The following PRKAG2 variants were observed in gnomAD, a reference collection of about 807,000 sequenced individuals.
PRKAG2 encodes 5'-AMP-activated protein kinase subunit gamma-2.
In PRKAG2, 26 loss-of-function variants were observed where a neutral mutation model predicts 69.6. The ratio of observed to expected loss-of-function variants is 0.37; its 90% CI spans 0.27 to 0.52. The LOEUF (loss-of-function observed/expected upper bound fraction) is 0.52. Ranked by LOEUF, PRKAG2 falls within the 20% of genes least tolerant of loss-of-function variation. The pLI is 0.90. For missense variants in PRKAG2, 557 were observed against 740.0 expected (o/e 0.75, Z 2.87); for synonymous variants, 293 against 285.0 (o/e 1.03, Z -0.28).
chr7:151,757,761 A>T (rs181619769), intron 3 of PRKAG2, among the ~76,000 whole-genome samples: 21 of 152,330 alleles, frequency 1.4e-4, no homozygotes, highest in Admixed American at 5.9e-4. Context: ...AACTGCAACC[A>T]CTGCCCCCGC....
Position 151,568,758 on chromosome 7 carries a change from A to G in PRKAG2, c.1191T>C (p.Tyr397=), listed in dbSNP as rs749218393. The change falls in exon 11 of 16, where the codon TAT becomes TAC. Residue 397 remains tyrosine, a synonymous_variant. Transcript: ENST00000287878. Reference sequence around the variant, plus strand: ...TGAGGATTCTTTTGTGGGTAAGTATATAAAGTGCATTCCCACTGATAGGGT... The same window carrying G: ...TGAGGATTCTTTTGTGGGTAAGTATGTAAAGTGCATTCCCACTGATAGGGT... The part of the protein sequence containing the change: ...VIDPISGNAL[Y]ILTHKRILKF... The G allele has an allele frequency of 1.9e-6, 3 of 1,614,028 alleles. No homozygotes were observed. In the Admixed American group the frequency reaches 5.0e-5, roughly 27 times the overall value.
At position 151,874,411 on chromosome 7, in the gene PRKAG2, GATGTAT is replaced by G. The variant is rs1175860064; in HGVS notation, c.114+2090_114+2095del. Among the ~76,000 whole-genome samples the G allele has an allele frequency of 6.8e-5, 5 of 73,070 alleles. No individual in the cohort carries two copies. In the Admixed American group the frequency reaches 7.3e-4, roughly 11 times the overall value. 47.9% of individuals were successfully genotyped at this position (73,070 alleles called of 152,430 possible). On this transcript the variant is annotated intron_variant, in intron 1 of 15. Transcript: ENST00000287878. ...ATATGATGTATATGTATATGTATAT[GATGTAT>G]ATGTATATGTATATGATGTATATGT...
chr7:151,811,888 G>A (rs1209905570), intron 1 of PRKAG2, among the ~76,000 whole-genome samples: 2 of 152,190 alleles, frequency 1.3e-5, no homozygotes, highest in East Asian at 1.9e-4. Context: ...GGAGTTGTCC[G>A]AGGGCCCGAG....
intron 1 of PRKAG2, among the ~76,000 whole-genome samples, chr7:151,834,229 C>A (rs2079098082): frequency 1.3e-5 from 2 of 152,196 alleles, no homozygotes; most frequent in Non-Finnish European, 2.9e-5. Flanking sequence ...ATTTGGTGAT[C>A]ATGATTTGTC....
In PRKAG2 at chr7:151,675,583, G is replaced by T. The variant is rs148056866; in HGVS notation, c.521C>A (p.Thr174Lys). ...GTGCTTATAGGATTCCAGGGGAAAC[G>T]TGTGCTGCTTGGTCACTTGGGTGGG... Reference protein sequence around the residue: ...STPTQVTKQHTFPLESYKHEP... With the variant: ...STPTQVTKQHKFPLESYKHEP... Residue 174 changes from threonine (T) to lysine (K), a missense_variant, in exon 4 of 16, where the codon ACG (threonine) becomes AAG (lysine). Thr to Lys is a moderately conservative substitution (Grantham distance 78, BLOSUM62 -1). Transcript: ENST00000287878. The T allele has an allele frequency of 6.2e-7, 1 of 1,614,146 alleles. No homozygotes were observed. The highest frequency in any genetic ancestry group is 8.5e-7 in the Non-Finnish European group (1 of 1,179,980).
intron 3 of PRKAG2, among the ~76,000 whole-genome samples, chr7:151,685,841 T>G (rs1006583270): frequency 6.6e-6 from 1 of 152,018 alleles, no homozygotes. Context: ...CTCCTTGGGA[T>G]CCTCATTTTT....
Position 151,791,149 on chromosome 7 carries a change from C to T in PRKAG2, c.115-4608G>A, listed in dbSNP as rs145197384. 8.8e-3 allele frequency among the ~76,000 whole-genome samples: 1,346 copies of T among 152,308 alleles called. 20 individuals carry two copies. The highest frequency in any genetic ancestry group is 0.03 in the African/African-American group (1,257 of 41,554). The stretch of plus-strand genomic sequence containing the variant: ...GCAGGCTTTGCTGGAAGGCTCCCCA[C>T]CCCCAATCCCACCTCCCAGCAAGTC... On this transcript the variant is annotated intron_variant, in intron 1 of 15. Coordinates refer to ENST00000287878, the MANE Select transcript of PRKAG2 (RefSeq NM_016203.4).
intron 3 of PRKAG2, among the ~76,000 whole-genome samples, chr7:151,676,924 C>T (rs2151481661): frequency 6.6e-6 from 1 of 152,300 alleles, no homozygotes; most frequent in South Asian, 2.1e-4. Flanking sequence ...CAGCTGCAGC[C>T]AAGGCGCGAT....
Position 151,595,574 on chromosome 7 carries a change from T to C in PRKAG2, c.755-120A>G, listed in dbSNP as rs1054530025. The stretch of plus-strand genomic sequence containing the variant: ...GGTAAAATACGAAATGTTTTCCCAG[T>C]ATGATCAAGGGCCAGGCAAGGATGC... On this transcript the variant is annotated intron_variant, in intron 5 of 15. Coordinates refer to ENST00000287878, the MANE Select transcript of PRKAG2 (RefSeq NM_016203.4). 1.2e-5 allele frequency: 9 copies of C among 758,528 alleles called. No individual in the cohort carries two copies. The Admixed American group carries it at 1.8e-4, about 15-fold the overall frequency. 47.0% of individuals were successfully genotyped at this position (758,528 alleles called of 1,614,324 possible).
chr7:151,842,033 G>A (rs2079308338), intron 1 of PRKAG2, among the ~76,000 whole-genome samples: 1 of 145,198 alleles, frequency 6.9e-6, no homozygotes, highest in Admixed American at 6.8e-5. Context: ...AGGGATGGTA[G>A]TGATGGTAGT....
At chr7:151,778,296 T>C (rs1183807136) in intron 3 of PRKAG2, among the ~76,000 whole-genome samples, 2 of 152,176 alleles carry the variant, frequency 1.3e-5, no homozygotes, top group Admixed American at 1.3e-4. Flanking sequence ...TTAAACATTT[T>C]ACTACAATAC....
At chr7:151,713,688 T>A (rs1795680121) in intron 3 of PRKAG2, among the ~76,000 whole-genome samples, 1 of 151,026 alleles carries the variant, frequency 6.6e-6, no homozygotes, top group African/African-American at 2.4e-5. Context: ...CAAGTGACCC[T>A]CCTGCCTCAG....
chr7:151,663,015 G>A (rs1464600953), intron 4 of PRKAG2, among the ~76,000 whole-genome samples: 2 of 151,844 alleles, frequency 1.3e-5, no homozygotes, highest in Non-Finnish European at 1.5e-5. Flanking sequence ...ATCACCTGAG[G>A]TCAGGAGTTC....
rs1012239294 is a variant in PRKAG2, at chr7:151,777,720, G to A, written c.466+3432C>T. On this transcript the variant is annotated intron_variant, in intron 3 of 15. Coordinates refer to ENST00000287878, the MANE Select transcript of PRKAG2 (RefSeq NM_016203.4). This position sits in a 1 kb window ranked among gnomAD's most constrained non-coding sequence, Gnocchi z 4.3. ...GGCTTTGCTCATTACCTGGGCGGAG[G>A]CCAAGCTAACAAAGGGAGGAATTTA... 7.2e-5 allele frequency among the ~76,000 whole-genome samples: 11 copies of A among 152,174 alleles called. No homozygotes were observed. Among genetic ancestry groups the A allele is most frequent in the Non-Finnish European group, 1.2e-4 (8 of 68,038 alleles).
intron 3 of PRKAG2, among the ~76,000 whole-genome samples, chr7:151,770,835 C>T (rs2151778080): frequency 6.6e-6 from 1 of 152,290 alleles, no homozygotes; most frequent in East Asian, 1.9e-4. Flanking sequence ...TCCTGGAGAA[C>T]CCAGTGAACA....
At chr7:151,681,882 C>T (rs1833939484) in intron 3 of PRKAG2, among the ~76,000 whole-genome samples, 1 of 151,864 alleles carries the variant, frequency 6.6e-6, no homozygotes, top group African/African-American at 2.4e-5. Flanking sequence ...ACGGGGCCAA[C>T]AGGAAGGAGA....
chr7:151,737,093 G>T lies in PRKAG2; in HGVS notation c.466+44059C>A, dbSNP rs150955181. ...AAAATCCTTGACTTTTTGTCTGATA[G>T]CCTCACTAAAGTTACCTGCTTTGCT... On this transcript the variant is annotated intron_variant, in intron 3 of 15. Coordinates refer to ENST00000287878, the MANE Select transcript of PRKAG2 (RefSeq NM_016203.4). 3.3e-5 allele frequency among the ~76,000 whole-genome samples: 5 copies of T among 152,268 alleles called. No homozygotes were observed. In the East Asian group the frequency reaches 9.7e-4, roughly 29 times the overall value.
intron 3 of PRKAG2, among the ~76,000 whole-genome samples, chr7:151,720,087 G>A (rs1312137952): frequency 6.6e-6 from 1 of 152,190 alleles, no homozygotes; most frequent in African/African-American, 2.4e-5. Flanking sequence ...CTTCCAAGAT[G>A]GTCCAATCAG....
intron 1 of PRKAG2, among the ~76,000 whole-genome samples, chr7:151,794,840 G>T (rs1456297346): frequency 1.3e-5 from 2 of 152,250 alleles, no homozygotes; most frequent in African/African-American, 2.4e-5. Flanking sequence ...GCAAAGGGCA[G>T]CCGAGCCTTT....
Sources: allele counts gnomAD v4.1 joint callset (sites outside exome capture counted in the v4.1 genomes callset), GRCh38; gene constraint gnomAD v4.1.1; non-coding constraint Gnocchi (gnomAD v3.1); transcripts MANE v1.5; gene names NCBI Gene and HGNC (gene_info 2026-07-23, HGNC 2026-07-21).